CACNB2: variants seen among roughly 807,000 people sequenced by gnomAD.
CACNB2 encodes the protein voltage-dependent L-type calcium channel subunit beta-2.
In CACNB2, 42 loss-of-function variants were observed where a neutral mutation model predicts 73.3. The observed-to-expected ratio is 0.57, with a 90% confidence interval of 0.45 to 0.74. The LOEUF (loss-of-function observed/expected upper bound fraction) is 0.74, where lower values mean the gene tolerates loss of function less well. Ranked by LOEUF, CACNB2 falls within the 30% of genes least tolerant of loss-of-function variation. CACNB2 has a pLI of 0.00. For synonymous variants in CACNB2, 348 were observed against 310.3 expected, an observed-to-expected ratio of 1.12 and a Z score of -1.28; for missense variants, 940 against 853.0, an observed-to-expected ratio of 1.10 and a Z score of -1.27.
chr10:18,287,503 T>C (rs928577425), intron 2 of CACNB2, among the ~76,000 whole-genome samples: 1 of 152,020 alleles, frequency 6.6e-6, no homozygotes, highest in African/African-American at 2.4e-5. Context: ...CACCAAAAAA[T>C]GGTGTGGTTT....
intron 2 of CACNB2, among the ~76,000 whole-genome samples, chr10:18,314,022 A>G (rs1454208800): frequency 2.0e-5 from 3 of 152,274 alleles, no homozygotes. Context: ...TGGAGTGTGA[A>G]ACACTAAATT....
intron 5 of CACNB2, 80 bp from the exon 6 acceptor site, chr10:18,506,391 A>C: frequency 2.6e-6 from 2 of 781,160 alleles, no homozygotes; most frequent in Non-Finnish European, 4.6e-6. Flanking sequence ...ACCATAATGA[A>C]TTATGTTTAC....
chr10:18,471,907 A>G (rs1470046818), intron 3 of CACNB2, among the ~76,000 whole-genome samples: 1 of 152,214 alleles, frequency 6.6e-6, no homozygotes, highest in Non-Finnish European at 1.5e-5. Flanking sequence ...TACTCAAGCA[A>G]CATCCTAACA....
intron 3 of CACNB2, among the ~76,000 whole-genome samples, chr10:18,416,163 C>T (rs2044948460): frequency 6.6e-6 from 1 of 152,106 alleles, no homozygotes; most frequent in South Asian, 2.1e-4. Context: ...CCCCCACTCA[C>T]CCTTTTCAGT....
chr10:18,457,837 C>T (rs1443444366), intron 3 of CACNB2, among the ~76,000 whole-genome samples: 1 of 151,890 alleles, frequency 6.6e-6, no homozygotes, highest in Non-Finnish European at 1.5e-5. Flanking sequence ...TTGTGGTGAG[C>T]CAAGATTGCA....
intron 2 of CACNB2, among the ~76,000 whole-genome samples, chr10:18,156,068 G>A (rs2032026575): frequency 6.6e-6 from 1 of 151,940 alleles, no homozygotes; most frequent in East Asian, 1.9e-4. Flanking sequence ...TTAGAATATG[G>A]TGAAACATAT....
rs532189267 is a variant in CACNB2 at position 18,179,324 on chromosome 10, C to T, written c.213+28349C>T. Among the ~76,000 whole-genome samples, 9 of 152,180 alleles carry T rather than the reference C, an allele frequency of 5.9e-5. 1 individual carries two copies. The South Asian group carries it at 1.9e-3, about 32-fold the overall frequency. ...AGGGAGGTGATAGCTTTCCTAAGAC[C>T]ACTAATAAAGGTCTTCCGTGCCTCT... On this transcript the variant is annotated intron_variant, in intron 2 of 13. Coordinates refer to ENST00000324631, the MANE Select transcript of CACNB2 (RefSeq NM_201596.3).
chr10:18,429,935 C>T (rs558100663), intron 3 of CACNB2, among the ~76,000 whole-genome samples: 6 of 151,960 alleles, frequency 3.9e-5, no homozygotes, highest in Admixed American at 3.3e-4. Context: ...GCTGTGATCG[C>T]GCCACTGCAC....
intron 2 of CACNB2, among the ~76,000 whole-genome samples, chr10:18,153,998 CTAGGGAACA>C (rs1420125547): frequency 6.6e-6 from 1 of 151,358 alleles, no homozygotes; most frequent in Non-Finnish European, 1.5e-5. Context: ...TTGTCTGTAG[CTAGGGAACA>C]TATATAATTG....
chr10:18,427,606 G>T (rs1428568769), intron 3 of CACNB2, among the ~76,000 whole-genome samples: 1 of 152,112 alleles, frequency 6.6e-6, no homozygotes, highest in Non-Finnish European at 1.5e-5. Flanking sequence ...ATTCCTAAAC[G>T]TACTGTGTTT....
At chr10:18,161,274 A>G (rs2032437150) in intron 2 of CACNB2, among the ~76,000 whole-genome samples, 2 of 152,200 alleles carry the variant, frequency 1.3e-5, no homozygotes, top group Non-Finnish European at 2.9e-5. Flanking sequence ...TTTGGCTTCA[A>G]GCCTGACATC....
chr10:18,534,008 A>AAAC, intron 10 of CACNB2, 68 bp from the exon 11 acceptor site: 1 of 1,494,460 alleles, frequency 6.7e-7, no homozygotes, highest in South Asian at 1.1e-5. Flanking sequence ...TCTGTTGAAG[A>AAAC]AACAGTATAC....
intron 3 of CACNB2, among the ~76,000 whole-genome samples, chr10:18,436,971 A>G (rs913272935): frequency 1.3e-5 from 2 of 152,166 alleles, no homozygotes; most frequent in African/African-American, 2.4e-5. Context: ...TTGAACAACA[A>G]TGTGCTGCTT....
At chr10:18,518,017 T>A (rs2051450547) in intron 7 of CACNB2, among the ~76,000 whole-genome samples, 1 of 152,206 alleles carries the variant, frequency 6.6e-6, no homozygotes, top group African/African-American at 2.4e-5. Context: ...AAAGCACCTA[T>A]CTTGCATGAG....
intron 2 of CACNB2, among the ~76,000 whole-genome samples, chr10:18,205,782 C>T (rs75814981): frequency 0.011 from 1,606 of 152,244 alleles, 23 homozygotes; most frequent in African/African-American, 0.034. Context: ...CCCTGCTCCT[C>T]ATCAAAACCT....
At chr10:18,327,872 G>A (rs189087227) in intron 2 of CACNB2, among the ~76,000 whole-genome samples, 116 of 152,276 alleles carry the variant, frequency 7.6e-4, no homozygotes, top group African/African-American at 2.7e-3. Flanking sequence ...GGGTTGGGGG[G>A]TGTCCTGGCA....
At chr10:18,340,637 G>A in intron 2 of CACNB2, 1 of 1,282,548 alleles carries the variant, frequency 7.8e-7, no homozygotes. Context: ...CAAGCCAGCT[G>A]ACGTAATTCA....
chr10:18,204,817 T>C (rs1286076775), intron 2 of CACNB2, among the ~76,000 whole-genome samples: 1 of 152,176 alleles, frequency 6.6e-6, no homozygotes, highest in African/African-American at 2.4e-5. Context: ...TGAATATACA[T>C]GTTATTGCTT....
intron 3 of CACNB2, among the ~76,000 whole-genome samples, chr10:18,445,642 G>A (rs988385843): frequency 2.1e-4 from 32 of 152,200 alleles, no homozygotes; most frequent in Non-Finnish European, 2.9e-4. Flanking sequence ...TTCTGAAGAC[G>A]GAAGGCCAGA....
Sources: allele counts gnomAD v4.1 joint callset (sites outside exome capture counted in the v4.1 genomes callset), GRCh38; gene constraint gnomAD v4.1.1; transcripts MANE v1.5; gene names NCBI Gene and HGNC (gene_info 2026-07-23, HGNC 2026-07-21).